The following PRORP variants were observed in gnomAD, a reference collection of about 807,000 sequenced individuals.
The protein encoded by PRORP is protein only RNase P catalytic subunit, also known as mitochondrial ribonuclease P catalytic subunit.
Under a neutral mutation model 59.4 loss-of-function variants are expected in PRORP, and 51 were observed. The observed-to-expected ratio is 0.86, with a 90% CI of 0.69 to 1.08. The LOEUF (loss-of-function observed/expected upper bound fraction) is 1.08, where lower values mean the gene tolerates loss of function less well. PRORP is among the 50% of genes least tolerant of loss of function. PRORP has a pLI of 0.00. For synonymous variants in PRORP, 231 were observed against 245.6 expected (o/e 0.94, Z 0.55); for missense variants, 646 against 690.3 (o/e 0.94, Z 0.72).
At chr14:35,186,580 C>G (rs768691714) in intron 5 of PRORP, among the ~76,000 whole-genome samples, 1 of 151,378 alleles carries the variant, frequency 6.6e-6, no homozygotes, top group African/African-American at 2.4e-5. Flanking sequence ...CTGTCTTTTC[C>G]TTTTTTCTTT....
intron 5 of PRORP, among the ~76,000 whole-genome samples, chr14:35,236,609 C>G (rs753270030): frequency 1.2e-4 from 19 of 152,210 alleles, no homozygotes; most frequent in Admixed American, 1.1e-3. Context: ...TTCCTTTCTT[C>G]TTGAAATTGT....
intron 5 of PRORP, among the ~76,000 whole-genome samples, chr14:35,258,914 A>G (rs971192350): frequency 6.6e-6 from 1 of 152,184 alleles, no homozygotes; most frequent in African/African-American, 2.4e-5. Context: ...TCTTTTCAAA[A>G]TTGTTTTAGC....
At chr14:35,213,479 C>A (rs1041604148) in intron 5 of PRORP, among the ~76,000 whole-genome samples, 4 of 152,220 alleles carry the variant, frequency 2.6e-5, no homozygotes, top group South Asian at 4.2e-4. Context: ...TTTGCATACA[C>A]AACTTGGGTA....
At chr14:35,146,699 G>T (rs2047619215) in intron 4 of PRORP, among the ~76,000 whole-genome samples, 1 of 152,124 alleles carries the variant, frequency 6.6e-6, no homozygotes, top group African/African-American at 2.4e-5. Context: ...TAAAGTACAG[G>T]CATACCTTGA....
chr14:35,122,334 C>G, upstream of PRORP: 1 of 218,902 alleles, frequency 4.6e-6, no homozygotes, highest in Non-Finnish European at 9.4e-6. Flanking sequence ...AGGGAAGCGC[C>G]TTCTTTCACA....
intron 4 of PRORP, among the ~76,000 whole-genome samples, chr14:35,132,578 AG>A (rs1186811103): frequency 6.6e-6 from 1 of 152,062 alleles, no homozygotes; most frequent in Non-Finnish European, 1.5e-5. Context: ...TGAGTTTAGG[AG>A]TTTAAGACCA....
At chr14:35,231,313 C>A (rs567522137) in intron 5 of PRORP, among the ~76,000 whole-genome samples, 1 of 151,824 alleles carries the variant, frequency 6.6e-6, no homozygotes, top group Non-Finnish European at 1.5e-5. Context: ...TCTTGTAACA[C>A]TTTTTGTTTT....
chr14:35,129,253 T>C (rs1415857952), intron 4 of PRORP, among the ~76,000 whole-genome samples: 2 of 152,096 alleles, frequency 1.3e-5, no homozygotes, highest in African/African-American at 4.8e-5. Flanking sequence ...TAAGTTTTTC[T>C]TCTGTTTTGA....
At chr14:35,267,068 G>A (rs537468123) in intron 6 of PRORP, among the ~76,000 whole-genome samples, 193 bp downstream of exon 6, 3 of 151,908 alleles carry the variant, frequency 2.0e-5, no homozygotes, top group East Asian at 1.9e-4. Context: ...CAGTTTCTAC[G>A]GCAGGATAAA....
intron 5 of PRORP, among the ~76,000 whole-genome samples, chr14:35,218,448 A>G (rs1373465573): frequency 7.5e-6 from 1 of 133,154 alleles, no homozygotes; most frequent in African/African-American, 2.7e-5. Context: ...GCAACAGAGC[A>G]AGATCCTGTC....
chr14:35,254,629 T>G (rs1040169219), intron 5 of PRORP, among the ~76,000 whole-genome samples: 2 of 152,182 alleles, frequency 1.3e-5, no homozygotes, highest in African/African-American at 4.8e-5. Flanking sequence ...TGACCTCAGG[T>G]GCTCCACCCG....
chr14:35,230,478 C>T (rs2050049524), intron 5 of PRORP, among the ~76,000 whole-genome samples: 1 of 152,170 alleles, frequency 6.6e-6, no homozygotes, highest in South Asian at 2.1e-4. Flanking sequence ...GTAACTCATT[C>T]AGGAATATGA....
At chr14:35,184,832 T>C (rs1015812550) in intron 5 of PRORP, among the ~76,000 whole-genome samples, 8 of 152,352 alleles carry the variant, frequency 5.3e-5, no homozygotes, top group African/African-American at 1.9e-4. Context: ...TCTCCATCCA[T>C]GTTCCTACAA....
At chr14:35,152,394 A>G (rs1202419228) in intron 4 of PRORP, among the ~76,000 whole-genome samples, 1 of 152,164 alleles carries the variant, frequency 6.6e-6, no homozygotes, top group East Asian at 1.9e-4. Context: ...CCCCTTTTCT[A>G]TTCCACAAAA....
At chr14:35,228,911 A>T (rs1307982708) in intron 5 of PRORP, among the ~76,000 whole-genome samples, 1 of 152,148 alleles carries the variant, frequency 6.6e-6, no homozygotes, top group Non-Finnish European at 1.5e-5. Flanking sequence ...CTATATTCCC[A>T]CCAACAGTGT....
intron 5 of PRORP, among the ~76,000 whole-genome samples, chr14:35,226,211 C>CT (rs927651146): frequency 3.3e-5 from 5 of 152,196 alleles, no homozygotes; most frequent in African/African-American, 1.2e-4. Flanking sequence ...TTCATTAAAT[C>CT]TTTAACTCCT....
intron 4 of PRORP, among the ~76,000 whole-genome samples, chr14:35,150,450 G>T (rs548919081): frequency 2.4e-4 from 37 of 152,238 alleles, no homozygotes; most frequent in African/African-American, 8.9e-4. Flanking sequence ...AGGTATGTCG[G>T]TGCAAGAATT....
chr14:35,162,614 A>ATT (rs11381891), intron 4 of PRORP, among the ~76,000 whole-genome samples: 2 of 151,526 alleles, frequency 1.3e-5, no homozygotes, highest in Admixed American at 6.6e-5. Flanking sequence ...TTTGAGGCTT[A>ATT]TTTTTTTTCT....
chr14:35,221,947 G>A (rs74925268), intron 5 of PRORP, among the ~76,000 whole-genome samples: 9,297 of 152,052 alleles, frequency 0.061, 368 homozygotes, highest in Middle Eastern at 0.11. Flanking sequence ...TGAATTCATC[G>A]GAAGTAACTA....
Sources: allele counts gnomAD v4.1 joint callset (sites outside exome capture counted in the v4.1 genomes callset), GRCh38; gene constraint gnomAD v4.1.1; transcripts MANE v1.5; gene names NCBI Gene and HGNC (gene_info 2026-07-23, HGNC 2026-07-21).